The following LMTK2 variants were observed in gnomAD, a reference collection of about 807,000 sequenced individuals.
LMTK2 encodes the protein serine/threonine-protein kinase LMTK2.
In LMTK2, 37 loss-of-function variants were observed where a neutral mutation model predicts 127.5. The observed-to-expected ratio is 0.29, with a 90% CI of 0.22 to 0.38. LMTK2 has a LOEUF of 0.38. Ranked by LOEUF, LMTK2 falls within the 10% of genes least tolerant of loss-of-function variation. LMTK2 has a pLI of 1.00. For missense variants in LMTK2, 1,694 were observed against 1,920.3 expected (o/e 0.88, Z 2.20); for synonymous variants, 819 against 810.1 (o/e 1.01, Z -0.19).
chr7:98,151,816 C>G (rs191356792), intron 4 of LMTK2, among the ~76,000 whole-genome samples: 2 of 152,168 alleles, frequency 1.3e-5, no homozygotes, highest in Admixed American at 6.5e-5. Context: ...TGCGTCCTCC[C>G]GTGGTTGAAG....
chr7:98,120,214 A>G (rs1796342597), intron 1 of LMTK2, among the ~76,000 whole-genome samples: 1 of 152,176 alleles, frequency 6.6e-6, no homozygotes, highest in African/African-American at 2.4e-5. Context: ...GCGGTTTTTG[A>G]GAGAGGAGCT....
chr7:98,137,322 G>A lies in LMTK2; in HGVS notation c.111G>A (p.Ala37=), dbSNP rs145481989. The change falls in exon 2 of 14, where the codon GCG becomes GCA. Residue 37 remains alanine, a synonymous_variant. Coordinates refer to ENST00000297293, the MANE Select transcript of LMTK2 (RefSeq NM_014916.4). ...ATTTATCTCTCTTTCCAGGGGAGGCGCCACCTGCTGCAGAAGTTTCCTCAT... is the reference window on the plus strand; with the variant it reads ...ATTTATCTCTCTTTCCAGGGGAGGCACCACCTGCTGCAGAAGTTTCCTCAT... The part of the protein sequence containing the change: ...APLPQTGAGE[A]PPAAEVSSSF... 1.1e-5 allele frequency: 18 copies of A among 1,607,892 alleles called. No individual in the cohort carries two copies. The highest frequency in any genetic ancestry group is 8.0e-5 in the African/African-American group (6 of 74,660).
intron 5 of LMTK2, among the ~76,000 whole-genome samples, chr7:98,156,060 A>C (rs1319796413): frequency 6.6e-6 from 1 of 152,226 alleles, no homozygotes; most frequent in African/African-American, 2.4e-5. Flanking sequence ...AGAAGACATT[A>C]AGAGACATTT....
rs765728896 is a variant in LMTK2, at chr7:98,192,838, T to C, written c.2373T>C (p.Gly791=). 12 of 1,613,756 alleles carry C rather than the reference T, an allele frequency of 7.4e-6. No homozygotes were observed. In the South Asian group the frequency reaches 1.1e-4, roughly 15 times the overall value. ...SLLQENVSTK[G]DDTDVMLTGD... ...TGCAGGAAAACGTAAGCACAAAGGGTGACGATACAGATGTCATGCTCACAG... is the reference window on the plus strand; with the variant it reads ...TGCAGGAAAACGTAAGCACAAAGGGCGACGATACAGATGTCATGCTCACAG... The change falls in exon 11 of 14, where the codon GGT becomes GGC. Residue 791 remains glycine, a synonymous_variant. Transcript: ENST00000297293.
chr7:98,107,354 G>C (rs1374733864), intron 1 of LMTK2, 74 bp downstream of exon 1: 8 of 935,248 alleles, frequency 8.6e-6, no homozygotes, highest in Non-Finnish European at 1.1e-5. Flanking sequence ...GGGCCGGGCC[G>C]GCCTCGGCGC....
Position 98,205,855 on chromosome 7 carries a change from G to A in LMTK2, c.*363G>A. 3.4e-6 allele frequency: 1 copy of A among 293,364 alleles called. No homozygotes were observed. Among genetic ancestry groups the A allele is most frequent in the Non-Finnish European group, 6.5e-6 (1 of 152,890 alleles). The allele number at this position is 293,364 out of a possible 1,614,324, so 18.2% of individuals were successfully genotyped here. A position where few individuals can be genotyped will look rare whatever the true frequency, so the allele number is the denominator to read the frequency against. ...GTGCTTTCCACAGGGGCGTCTCTGC[G>A]TCCACGCCTGCACATCCCGGCGCAC... On this transcript the variant is annotated 3_prime_UTR_variant, in exon 14 of 14. Coordinates refer to ENST00000297293, the MANE Select transcript of LMTK2 (RefSeq NM_014916.4).
intron 6 of LMTK2, among the ~76,000 whole-genome samples, chr7:98,161,127 C>T (rs930626522): frequency 4.6e-5 from 7 of 152,066 alleles, no homozygotes; most frequent in South Asian, 2.1e-4. Flanking sequence ...TTTTTGTACC[C>T]GTTACAATTT....
At chr7:98,145,801 T>C (rs564903027) in intron 3 of LMTK2, among the ~76,000 whole-genome samples, 7 of 152,206 alleles carry the variant, frequency 4.6e-5, no homozygotes, top group African/African-American at 1.7e-4. Flanking sequence ...CATAAAACTT[T>C]TCCGTTTTAA....
rs575218192 is a variant in LMTK2 at position 98,155,353 on chromosome 7, G to A, written c.569+477G>A. 8.5e-4 allele frequency among the ~76,000 whole-genome samples: 130 copies of A among 152,298 alleles called. 1 individual carries two copies. The highest frequency in any genetic ancestry group is 1.4e-3 in the Admixed American group (22 of 15,306). Reference sequence around the variant, plus strand: ...ATGTCATAGATGTCTCAGAAGGAACGGAGATAGAGGATGGGGCTGAAAAAG... The same window carrying A: ...ATGTCATAGATGTCTCAGAAGGAACAGAGATAGAGGATGGGGCTGAAAAAG... On this transcript the variant is annotated intron_variant, in intron 5 of 13. Transcript: ENST00000297293.
chr7:98,179,846 G>T (rs1797328754), intron 7 of LMTK2, among the ~76,000 whole-genome samples: 1 of 152,172 alleles, frequency 6.6e-6, no homozygotes, highest in Non-Finnish European at 1.5e-5. Context: ...TAGCTAACTG[G>T]AATCCACATT....
intron 3 of LMTK2, among the ~76,000 whole-genome samples, chr7:98,147,638 C>T (rs1401512407): frequency 6.6e-6 from 1 of 152,184 alleles, no homozygotes; most frequent in African/African-American, 2.4e-5. Flanking sequence ...GTTTATTTGA[C>T]AGTGTCCCAC....
intron 6 of LMTK2, among the ~76,000 whole-genome samples, chr7:98,168,394 G>A (rs946288206): frequency 6.6e-6 from 1 of 152,258 alleles, no homozygotes; most frequent in African/African-American, 2.4e-5. Context: ...GCGAGGCCCC[G>A]GGCTTCGCGG....
At position 98,112,959 on chromosome 7, in the gene LMTK2, C is replaced by T. The variant is rs538739980; in HGVS notation, c.103+5679C>T. On this transcript the variant is annotated intron_variant, in intron 1 of 13. Coordinates refer to ENST00000297293, the MANE Select transcript of LMTK2 (RefSeq NM_014916.4). ...GTAGCCTCAAACTCCCAGGCTCAAG[C>T]AATCCTCCTGCCTCAGCCTCCTGAG... Among the ~76,000 whole-genome samples the T allele has an allele frequency of 1.1e-3, 168 of 152,294 alleles. 1 individual carries two copies. The highest frequency in any genetic ancestry group is 2.2e-3 in the Admixed American group (33 of 15,304).
intron 5 of LMTK2, among the ~76,000 whole-genome samples, chr7:98,157,469 C>T (rs992254297): frequency 6.6e-6 from 1 of 152,060 alleles, no homozygotes; most frequent in African/African-American, 2.4e-5. Flanking sequence ...AGTTGCATCC[C>T]TTGCCATTTA....
chr7:98,139,436 C>T (rs1021625252), intron 2 of LMTK2, among the ~76,000 whole-genome samples: 1 of 152,152 alleles, frequency 6.6e-6, no homozygotes, highest in African/African-American at 2.4e-5. Flanking sequence ...TTTTATACTA[C>T]ATTACCTGGT....
intron 6 of LMTK2, among the ~76,000 whole-genome samples, chr7:98,160,567 AAG>A (rs533084695): frequency 6.6e-5 from 10 of 152,146 alleles, no homozygotes; most frequent in Admixed American, 1.3e-4. Flanking sequence ...AAAAGAAAAA[AAG>A]AGAAAGTGTA....
At chr7:98,178,049 C>T (rs1044595938) in intron 7 of LMTK2, among the ~76,000 whole-genome samples, 2 of 152,290 alleles carry the variant, frequency 1.3e-5, no homozygotes, top group Admixed American at 1.3e-4. Context: ...ATCAGCTTTA[C>T]CAGTATAAGC....
Position 98,199,131 on chromosome 7 carries a change from G to A in LMTK2, c.4108-4443G>A, listed in dbSNP as rs187198982. Among the ~76,000 whole-genome samples, 317 of 152,312 alleles carry A rather than the reference G, an allele frequency of 2.1e-3. 1 individual carries two copies. The highest frequency in any genetic ancestry group is 7.3e-3 in the African/African-American group (302 of 41,568). On this transcript the variant is annotated intron_variant, in intron 11 of 13. Coordinates refer to ENST00000297293, the MANE Select transcript of LMTK2 (RefSeq NM_014916.4). ...TTTGTTAAGGTTTATCTTAGAGCCA[G>A]GATATGGTCTTTCTTGGTGAATTAT... is the stretch of plus-strand genomic sequence containing the variant.
At position 98,106,941 on chromosome 7, in the gene LMTK2, CTGT is replaced by C; in HGVS notation, c.-234_-232del. 2 of 467,690 alleles carry C rather than the reference CTGT, an allele frequency of 4.3e-6. No homozygotes were observed. The highest frequency in any genetic ancestry group is 7.6e-6 in the Non-Finnish European group (2 of 264,210). The allele number at this position is 467,690 out of a possible 1,614,324, so 29.0% of individuals were successfully genotyped here. On this transcript the variant is annotated 5_prime_UTR_variant, in exon 1 of 14. An upstream open reading frame in the 5' UTR gains an earlier in-frame stop. Coordinates refer to ENST00000297293, the MANE Select transcript of LMTK2 (RefSeq NM_014916.4). Reference sequence around the variant, plus strand: ...CTCCGCAGGGCTGCTGGCGTTGCTGCTGTTGAGAGGCGGCGGCGGCGGCGCAGG... The same window carrying C: ...CTCCGCAGGGCTGCTGGCGTTGCTGCTGAGAGGCGGCGGCGGCGGCGCAGG...
Sources: allele counts gnomAD v4.1 joint callset (sites outside exome capture counted in the v4.1 genomes callset), GRCh38; gene constraint gnomAD v4.1.1; transcripts MANE v1.5; gene names NCBI Gene and HGNC (gene_info 2026-07-23, HGNC 2026-07-21).